The following GRM1 variants were observed in gnomAD, a reference collection of about 807,000 sequenced individuals.
GRM1 encodes the protein metabotropic glutamate receptor 1.
A neutral mutation model predicts 90.9 loss-of-function variants in GRM1; 33 were observed. The ratio of observed to expected loss-of-function variants is 0.36; its 90% CI spans 0.28 to 0.49. The LOEUF is 0.49. Among genes scored for constraint, GRM1 ranks in the 20% least tolerant of loss-of-function variants. GRM1 has a pLI of 0.99. For synonymous variants in GRM1, 700 were observed against 613.2 expected, an observed-to-expected ratio of 1.14 and a Z score of -2.09; for missense variants, 1,190 against 1,534.3, an observed-to-expected ratio of 0.78 and a Z score of 3.75.
chr6:146,240,657 A>T (rs900343417), intron 2 of GRM1, among the ~76,000 whole-genome samples: 2 of 152,146 alleles, frequency 1.3e-5, no homozygotes, highest in African/African-American at 2.4e-5. Flanking sequence ...GGTGACACAG[A>T]GCAGGATGAA....
chr6:146,033,359 T>G (rs1376750555), intron 1 of GRM1, among the ~76,000 whole-genome samples: 1 of 152,090 alleles, frequency 6.6e-6, no homozygotes, highest in African/African-American at 2.4e-5. Context: ...TCTGATAAAA[T>G]ACAGATTCCC....
intron 2 of GRM1, among the ~76,000 whole-genome samples, chr6:146,267,460 GTTTA>G (rs1781933856): frequency 1.3e-5 from 2 of 152,104 alleles, no homozygotes; most frequent in African/African-American, 4.8e-5. Context: ...ATATAGGGGA[GTTTA>G]TTAAGTATTA....
intron 7 of GRM1, among the ~76,000 whole-genome samples, chr6:146,432,307 A>G (rs922000586): frequency 6.6e-6 from 1 of 152,202 alleles, no homozygotes; most frequent in Non-Finnish European, 1.5e-5. Context: ...GAGCCTTTAT[A>G]TCCAGAATTT....
chr6:146,218,750 T>A (rs1008892464), intron 2 of GRM1, among the ~76,000 whole-genome samples: 1 of 152,222 alleles, frequency 6.6e-6, no homozygotes, highest in East Asian at 1.9e-4. Context: ...TGCCTTTTGC[T>A]GTGACATTGT....
In GRM1 at chr6:146,352,268, A is replaced by G. The variant is rs774084765; in HGVS notation, c.1205A>G (p.Glu402Gly). The change falls in exon 4 of 8, where the codon GAA becomes GGA. Residue 402 changes from glutamate (E) to glycine (G), a missense_variant. Coordinates refer to ENST00000282753, the MANE Select transcript of GRM1 (RefSeq NM_001278064.2). ...GTTACAGGCAATGAAAGCTTAGAAG[A>G]AAACTATGTCCAGGACAGTAAGATG... Reference protein sequence around the residue: ...RICTGNESLEENYVQDSKMGF... With the variant: ...RICTGNESLEGNYVQDSKMGF... 7 of 1,613,936 alleles carry G rather than the reference A, an allele frequency of 4.3e-6. No homozygotes were observed. Among genetic ancestry groups the G allele is most frequent in the Non-Finnish European group, 5.9e-6 (7 of 1,179,806 alleles).
At chr6:146,233,152 G>T (rs1237937518) in intron 2 of GRM1, among the ~76,000 whole-genome samples, 3 of 151,678 alleles carry the variant, frequency 2.0e-5, no homozygotes, top group African/African-American at 7.3e-5. Context: ...CTGTCTAATT[G>T]CCCTGGGTTC....
At chr6:146,095,638 A>G (rs74717612) in intron 1 of GRM1, among the ~76,000 whole-genome samples, 3,174 of 152,232 alleles carry the variant, frequency 0.021, 49 homozygotes, top group Admixed American at 0.031. Flanking sequence ...TTAGTATTAC[A>G]GTGTATTCTC....
At position 146,435,755 on chromosome 6, in the gene GRM1, G is replaced by A. The variant is rs1778576303; in HGVS notation, c.*959G>A. The A allele has an allele frequency of 6.6e-6, 1 of 152,536 alleles. No individual in the cohort carries two copies. Among genetic ancestry groups the A allele is most frequent in the Non-Finnish European group, 1.5e-5 (1 of 68,030 alleles). 9.4% of individuals were successfully genotyped at this position (152,536 alleles called of 1,614,324 possible). On this transcript the variant is annotated 3_prime_UTR_variant, in exon 8 of 8. Coordinates refer to ENST00000282753, the MANE Select transcript of GRM1 (RefSeq NM_001278064.2). ...GATTGACTTGTGTTTGTGCCAAGCG[G>A]GCTTTCCATTGACCTTCAGTTAAAG... is the stretch of plus-strand genomic sequence containing the variant.
chr6:146,199,013 C>T (rs987713990), intron 2 of GRM1, among the ~76,000 whole-genome samples: 1 of 152,174 alleles, frequency 6.6e-6, no homozygotes, highest in East Asian at 1.9e-4. Flanking sequence ...TCTTCCATGG[C>T]CTCTATTATT....
intron 3 of GRM1, among the ~76,000 whole-genome samples, chr6:146,337,516 A>G (rs1395525465): frequency 2.0e-5 from 3 of 152,192 alleles, no homozygotes; most frequent in South Asian, 2.1e-4. Flanking sequence ...AGTAAGGGAT[A>G]GGGATATTAA....
chr6:146,351,352 T>G (rs1785405054), intron 3 of GRM1, among the ~76,000 whole-genome samples: 1 of 152,214 alleles, frequency 6.6e-6, no homozygotes. Context: ...CCAACTAAAG[T>G]CTCTGAATTA....
intron 1 of GRM1, among the ~76,000 whole-genome samples, chr6:146,131,382 G>A (rs1202378722): frequency 1.3e-5 from 2 of 151,854 alleles, no homozygotes; most frequent in African/African-American, 2.4e-5. Flanking sequence ...AGGAGCCCTG[G>A]GTTTCAATGT....
At chr6:146,125,506 T>C (rs1583037853) in intron 1 of GRM1, among the ~76,000 whole-genome samples, 1 of 151,724 alleles carries the variant, frequency 6.6e-6, no homozygotes, top group East Asian at 2.0e-4. Context: ...CCTTGTGTAC[T>C]TTCTCTCCCT....
chr6:146,175,719 A>C (rs1318023834), intron 2 of GRM1, among the ~76,000 whole-genome samples: 3 of 152,080 alleles, frequency 2.0e-5, no homozygotes, highest in Non-Finnish European at 4.4e-5. Context: ...TGGAGTTTTC[A>C]GGTCTTCATG....
At chr6:146,145,322 C>T (rs766542230) in intron 1 of GRM1, among the ~76,000 whole-genome samples, 9 of 152,120 alleles carry the variant, frequency 5.9e-5, no homozygotes, top group Non-Finnish European at 1.0e-4. Context: ...AAGAAAGACC[C>T]CAAAGGTATT....
Position 146,159,639 on chromosome 6 carries a change from T to TCACACACA in GRM1, c.950+43_950+44insACACACAC, listed in dbSNP as rs772966925. 370 of 1,126,874 alleles carry TCACACACA rather than the reference T, an allele frequency of 3.3e-4. No homozygotes were observed. In the African/African-American group the frequency reaches 5.9e-3, roughly 18 times the overall value. The allele number at this position is 1,126,874 out of a possible 1,614,324, so 69.8% of individuals were successfully genotyped here. The stretch of plus-strand genomic sequence containing the variant: ...CTCTCTCTCTCTCTCTCTCTCTCTC[T>TCACACACA]CTCACACACACACATGCACACACAC... On this transcript the variant is annotated intron_variant, in intron 2 of 7. Coordinates refer to ENST00000282753, the MANE Select transcript of GRM1 (RefSeq NM_001278064.2).
intron 1 of GRM1, among the ~76,000 whole-genome samples, chr6:146,109,260 G>T (rs1268633342): frequency 1.3e-5 from 2 of 152,130 alleles, no homozygotes; most frequent in Non-Finnish European, 2.9e-5. Flanking sequence ...GTGATTTTGT[G>T]GGCAGGGCTC....
At chr6:146,109,853 C>A (rs1035150771) in intron 1 of GRM1, among the ~76,000 whole-genome samples, 2 of 152,220 alleles carry the variant, frequency 1.3e-5, no homozygotes, top group Admixed American at 1.3e-4. Flanking sequence ...CAAAGGAGAT[C>A]ATTTTGGAGC....
chr6:146,144,199 C>T (rs1777002971), intron 1 of GRM1, among the ~76,000 whole-genome samples: 1 of 152,114 alleles, frequency 6.6e-6, no homozygotes, highest in Non-Finnish European at 1.5e-5. Context: ...TACTTGGTTT[C>T]TGCTCATAAA....
Sources: gnomAD v4.1 joint callset for allele counts (sites outside exome capture counted in the v4.1 genomes callset) on GRCh38, gnomAD v4.1.1 for gene constraint, MANE v1.5 for transcripts, NCBI Gene and HGNC (gene_info 2026-07-23, HGNC 2026-07-21) for gene names.